The following RGS6 variants were observed in gnomAD, a reference collection of about 807,000 sequenced individuals.
RGS6 encodes the protein regulator of G protein signaling 6, also known as regulator of G-protein signaling 6.
A neutral mutation model predicts 78.5 loss-of-function variants in RGS6; 30 were observed. The ratio of observed to expected loss-of-function variants is 0.38; its 90% CI spans 0.29 to 0.52. The LOEUF is 0.52. RGS6 is among the 20% of genes least tolerant of loss of function. The probability of loss-of-function intolerance (pLI) is 0.85; values close to 1 mark genes in which losing one functional copy is unlikely to be tolerated. For synonymous variants in RGS6, 206 were observed against 206.0 expected, an observed-to-expected ratio of 1.00 and a Z score of 0.00; for missense variants, 495 against 609.7, an observed-to-expected ratio of 0.81 and a Z score of 1.98.
chr14:72,115,584 A>T (rs1167914994), intron 2 of RGS6, among the ~76,000 whole-genome samples: 1 of 152,166 alleles, frequency 6.6e-6, no homozygotes, highest in East Asian at 1.9e-4. Flanking sequence ...GGACAGGCCC[A>T]TCTGCTTCCT....
In RGS6 at chr14:72,398,926, A is replaced by G. The variant is rs148009826; in HGVS notation, c.184+46732A>G. Among the ~76,000 whole-genome samples, 1,403 of 152,138 alleles carry G rather than the reference A, an allele frequency of 9.2e-3. 21 individuals carry two copies. The highest frequency in any genetic ancestry group is 0.032 in the African/African-American group (1,346 of 41,478). On this transcript the variant is annotated intron_variant, in intron 3 of 17. Coordinates refer to ENST00000553525, the MANE Select transcript of RGS6 (RefSeq NM_001204424.2). ...ACTGTGGTGTGAGAGACAGTTTGTT[A>G]TAATTTCTATTCTTTTACATTTGCT...
intron 2 of RGS6, among the ~76,000 whole-genome samples, chr14:72,340,969 C>T (rs777735203): frequency 1.3e-5 from 2 of 152,028 alleles, no homozygotes; most frequent in Admixed American, 6.6e-5. Context: ...ATGTGGCTCT[C>T]GTGACTGGAG....
the RGS6 span, among the ~76,000 whole-genome samples, chr14:72,591,179 G>A: frequency 6.6e-6 from 1 of 152,062 alleles, no homozygotes; most frequent in Non-Finnish European, 1.5e-5. Flanking sequence ...CAATGGGCAT[G>A]CATTATTTTT....
the RGS6 span, among the ~76,000 whole-genome samples, chr14:71,868,351 C>G: frequency 6.6e-6 from 1 of 152,144 alleles, no homozygotes; most frequent in African/African-American, 2.4e-5. Context: ...CTTAAACTGA[C>G]ATGTCTTTAA....
At chr14:72,215,355 G>A (rs901038119) in intron 2 of RGS6, among the ~76,000 whole-genome samples, 1 of 152,108 alleles carries the variant, frequency 6.6e-6, no homozygotes, top group African/African-American at 2.4e-5. Context: ...AGAAAGAAAG[G>A]GACTGTTTCT....
intron 3 of RGS6, among the ~76,000 whole-genome samples, chr14:72,375,124 G>T (rs2084373522): frequency 6.6e-6 from 1 of 152,142 alleles, no homozygotes; most frequent in South Asian, 2.1e-4. Context: ...AGAAGAGAGT[G>T]ATAAATTCTA....
chr14:72,206,636 G>T (rs182236548), intron 2 of RGS6, among the ~76,000 whole-genome samples: 1 of 152,064 alleles, frequency 6.6e-6, no homozygotes, highest in Non-Finnish European at 1.5e-5. Context: ...TTACATGGAT[G>T]GCAGCAGGCA....
chr14:71,990,558 A>T, intron 2 of RGS6: 1 of 455,490 alleles, frequency 2.2e-6, no homozygotes, highest in Non-Finnish European at 4.4e-6. Flanking sequence ...AGTGGAGAGG[A>T]TCATTCCTGG....
chr14:72,239,432 A>G (rs1012558043), intron 2 of RGS6, among the ~76,000 whole-genome samples: 7 of 152,282 alleles, frequency 4.6e-5, no homozygotes, highest in African/African-American at 1.7e-4. Flanking sequence ...CCTCATCAGG[A>G]GATTGTCTCT....
intron 2 of RGS6, among the ~76,000 whole-genome samples, chr14:72,346,768 G>A (rs2078137001): frequency 6.6e-6 from 1 of 152,172 alleles, no homozygotes; most frequent in Non-Finnish European, 1.5e-5. Context: ...CCAGTCTCCT[G>A]GGTTCTCCCC....
At position 71,978,260 on chromosome 14, in the gene RGS6, C is replaced by A. The variant is rs1462818333; in HGVS notation, c.84+13385C>A. Among the ~76,000 whole-genome samples the A allele has an allele frequency of 2.3e-5, 3 of 132,316 alleles. No homozygotes were observed. In the East Asian group the frequency reaches 6.7e-4, roughly 30 times the overall value. The allele number at this position is 132,316 out of a possible 152,430, so 86.8% of individuals were successfully genotyped here. A position where few individuals can be genotyped will look rare whatever the true frequency, so the allele number is the denominator to read the frequency against. On this transcript the variant is annotated intron_variant, in intron 2 of 17. Transcript: ENST00000553525. ...CTAATTGAATACCCTTTATTTCCTT[C>A]TCCTACCTAATTGCCCTGGCCAGAA...
At chr14:71,911,455 G>A in the RGS6 span, among the ~76,000 whole-genome samples, 3 of 152,154 alleles carry the variant, frequency 2.0e-5, no homozygotes, top group Non-Finnish European at 4.4e-5. Context: ...TTTGAAATAC[G>A]GAGAAATATG....
chr14:72,012,705 G>T (rs549942111), intron 2 of RGS6, among the ~76,000 whole-genome samples: 1 of 152,230 alleles, frequency 6.6e-6, no homozygotes, highest in African/African-American at 2.4e-5. Context: ...TAAGGCAAAG[G>T]CAATTTTGTG....
intron 3 of RGS6, among the ~76,000 whole-genome samples, chr14:72,406,319 G>T (rs546350503): frequency 1.1e-4 from 16 of 152,298 alleles, no homozygotes; most frequent in African/African-American, 3.9e-4. Flanking sequence ...GGGAGGCAGA[G>T]GTTGCAGTGA....
chr14:72,382,608 G>C (rs562949404), intron 3 of RGS6, among the ~76,000 whole-genome samples: 63 of 152,268 alleles, frequency 4.1e-4, no homozygotes, highest in Non-Finnish European at 7.6e-4. Flanking sequence ...TTATAGACTA[G>C]AGAAACAATT....
At chr14:72,212,557 A>G (rs374878027) in intron 2 of RGS6, among the ~76,000 whole-genome samples, 1 of 152,238 alleles carries the variant, frequency 6.6e-6, no homozygotes, top group South Asian at 2.1e-4. Flanking sequence ...GAAGTTCTCC[A>G]GTGACACATC....
chr14:71,967,447 AG>A (rs1361471350), intron 2 of RGS6, among the ~76,000 whole-genome samples: 1 of 152,184 alleles, frequency 6.6e-6, no homozygotes, highest in African/African-American at 2.4e-5. Flanking sequence ...TACTTGCTGT[AG>A]GACATTATCC....
chr14:72,237,256 T>C (rs2051350532), intron 2 of RGS6, among the ~76,000 whole-genome samples: 1 of 152,218 alleles, frequency 6.6e-6, no homozygotes, highest in Non-Finnish European at 1.5e-5. Context: ...TACTTATCGA[T>C]GGTCACCTGC....
At chr14:72,554,762 G>C (rs2097548250) in intron 17 of RGS6, among the ~76,000 whole-genome samples, 1 of 152,248 alleles carries the variant, frequency 6.6e-6, no homozygotes, top group African/African-American at 2.4e-5. Context: ...GAGAGAGCTG[G>C]TGTGAAAAGG....
Sources: gnomAD v4.1 joint callset for allele counts (sites outside exome capture counted in the v4.1 genomes callset) on GRCh38, gnomAD v4.1.1 for gene constraint, MANE v1.5 for transcripts, NCBI Gene and HGNC (gene_info 2026-07-23, HGNC 2026-07-21) for gene names.